MEOX2: variants seen among roughly 807,000 people sequenced by gnomAD.
MEOX2 encodes mesenchyme homeobox 2.
Under a neutral mutation model 27.0 loss-of-function variants are expected in MEOX2, and 11 were observed. That is an observed-to-expected ratio of 0.41 (90% CI 0.26 to 0.68). The LOEUF is 0.68. Among genes scored for constraint, MEOX2 ranks in the 30% least tolerant of loss-of-function variants. The pLI is 0.33. For synonymous variants in MEOX2, 189 were observed against 155.4 expected, an observed-to-expected ratio of 1.22 and a Z score of -1.61; for missense variants, 436 against 385.4, an observed-to-expected ratio of 1.13 and a Z score of -1.10.
chr7:15,676,031 G>C (rs1237237958), intron 1 of MEOX2: 1 of 152,132 alleles, frequency 6.6e-6, no homozygotes, highest in African/African-American at 2.4e-5. Context: ...CACTGTAGAA[G>C]TCTCGCATAT....
chr7:15,644,320 C>T (rs980969629), intron 1 of MEOX2, among the ~76,000 whole-genome samples: 3 of 152,174 alleles, frequency 2.0e-5, no homozygotes, highest in African/African-American at 7.2e-5. Flanking sequence ...ATTCCTGTTC[C>T]TGTAGCTAGG....
intron 2 of MEOX2, among the ~76,000 whole-genome samples, chr7:15,620,431 G>C (rs925092724): frequency 6.6e-6 from 1 of 152,218 alleles, no homozygotes; most frequent in East Asian, 1.9e-4. Context: ...AAACGGGCGT[G>C]GTAGCGGGCT....
At chr7:15,675,592 C>T (rs561776304) in intron 1 of MEOX2, among the ~76,000 whole-genome samples, 1 of 152,254 alleles carries the variant, frequency 6.6e-6, no homozygotes, top group Non-Finnish European at 1.5e-5. Context: ...CATTACTTAA[C>T]TTCTCTGGGC....
chr7:15,685,925 C>T lies in MEOX2; in HGVS notation c.478G>A (p.Glu160Lys). ...TTCCTCTTGCCGCCGCTTCGCTTCTCCGCCTCCGCAGGTGACAGTGCCTGG... is the reference window on the plus strand; with the variant it reads ...TTCCTCTTGCCGCCGCTTCGCTTCTTCGCCTCCGCAGGTGACAGTGCCTGG... Reference protein sequence around the residue: ...GRQALSPAEAEKRSGGKRKSD... With the variant: ...GRQALSPAEAKKRSGGKRKSD... Residue 160 changes from glutamate to lysine, a missense_variant, in exon 1 of 3, where the codon GAG (glutamate) becomes AAG (lysine). Physicochemically the swap from Glu to Lys is moderately conservative, Grantham distance 56. Transcript: ENST00000262041. 6.2e-7 allele frequency: 1 copy of T among 1,610,024 alleles called. No homozygotes were observed.
chr7:15,618,957 G>T (rs866359605), intron 2 of MEOX2, among the ~76,000 whole-genome samples: 4 of 151,966 alleles, frequency 2.6e-5, no homozygotes, highest in South Asian at 2.1e-4. Context: ...GGGATCTGAA[G>T]TTCAAAGTCT....
At chr7:15,644,444 C>T (rs116756218) in intron 1 of MEOX2, among the ~76,000 whole-genome samples, 265 of 152,226 alleles carry the variant, frequency 1.7e-3, no homozygotes, top group African/African-American at 6.1e-3. Flanking sequence ...CACAAGGAAT[C>T]TAAAAGAGCA....
rs1351744848 is a variant in MEOX2, at chr7:15,686,248, C to T, written c.155G>A (p.Gly52Glu). ...STSSSSCIIA[G>E]YPNEEGMFAS... ...AAACATGCCCTCTTCGTTGGGGTAT[C>T]CCGCGATTATGCAAGATGAGGAAGA... Residue 52 changes from glycine (G) to glutamate (E), a missense_variant, in exon 1 of 3, where the codon GGA becomes GAA. Transcript: ENST00000262041. The T allele has an allele frequency of 1.2e-6, 2 of 1,612,778 alleles. No homozygotes were observed. The highest frequency in any genetic ancestry group is 3.3e-5 in the Admixed American group (2 of 59,826).
chr7:15,664,137 G>C (rs1781959801), intron 1 of MEOX2, among the ~76,000 whole-genome samples: 1 of 152,110 alleles, frequency 6.6e-6, no homozygotes, highest in Non-Finnish European at 1.5e-5. Flanking sequence ...ATGTGAAGGA[G>C]ATAGGTTAAG....
At chr7:15,645,811 G>A (rs1262574863) in intron 1 of MEOX2, among the ~76,000 whole-genome samples, 3 of 152,060 alleles carry the variant, frequency 2.0e-5, no homozygotes, top group Non-Finnish European at 2.9e-5. Flanking sequence ...AAATGATCAC[G>A]GAAATATATA....
chr7:15,633,929 A>G (rs1261655026), intron 1 of MEOX2, among the ~76,000 whole-genome samples: 2 of 151,916 alleles, frequency 1.3e-5, no homozygotes, highest in Admixed American at 6.6e-5. Flanking sequence ...TTGTTCTGGC[A>G]TAGAAATTTA....
chr7:15,613,053 G>A (rs1329540200), intron 2 of MEOX2, among the ~76,000 whole-genome samples: 1 of 152,122 alleles, frequency 6.6e-6, no homozygotes, highest in South Asian at 2.1e-4. Context: ...CTGATTAAGC[G>A]GCATCTGAAA....
At chr7:15,665,041 T>TCTCA (rs1554296048) in intron 1 of MEOX2, among the ~76,000 whole-genome samples, 3 of 141,222 alleles carry the variant, frequency 2.1e-5, no homozygotes, top group Non-Finnish European at 3.1e-5. Context: ...TAAGTGGACA[T>TCTCA]CACACACACA....
intron 2 of MEOX2, among the ~76,000 whole-genome samples, chr7:15,622,934 G>A (rs186692336): frequency 2.0e-5 from 3 of 152,170 alleles, no homozygotes; most frequent in Non-Finnish European, 4.4e-5. Flanking sequence ...TCATATCAAG[G>A]TAGAATGGAA....
In MEOX2 at chr7:15,612,022, C is replaced by T. The variant is rs1369044343; in HGVS notation, c.*365G>A. 6 of 250,886 alleles carry T rather than the reference C, an allele frequency of 2.4e-5. No individual in the cohort carries two copies. The highest frequency in any genetic ancestry group is 1.5e-4 in the Admixed American group (3 of 20,570). 15.5% of individuals were successfully genotyped at this position (250,886 alleles called of 1,614,324 possible). On this transcript the variant is annotated 3_prime_UTR_variant, in exon 3 of 3. Transcript: ENST00000262041. ...ACATCTGGAATGTTCAATGCAAGTTCATCCTCGGCATCTTCACTCTGGAGA... is the reference window on the plus strand; with the variant it reads ...ACATCTGGAATGTTCAATGCAAGTTTATCCTCGGCATCTTCACTCTGGAGA...
At chr7:15,621,005 C>A (rs1014194032) in intron 2 of MEOX2, among the ~76,000 whole-genome samples, 28 of 152,118 alleles carry the variant, frequency 1.8e-4, no homozygotes, top group African/African-American at 6.8e-4. Context: ...TCTCGTCTTC[C>A]CACTGTGAGA....
rs1377644484 is a variant in MEOX2 at position 15,686,185 on chromosome 7, T to C, written c.218A>G (p.His73Arg). 6.3e-7 allele frequency: 1 copy of C among 1,594,094 alleles called. No individual in the cohort carries two copies. Among genetic ancestry groups the C allele is most frequent in the South Asian group, 1.1e-5 (1 of 89,020 alleles). ...CTGATGGTGGTGATGGTGGTGGTGG[T>C]GGTGGTGGTGGTGGTGCCCCCTGTG... ...QHHRGHHHHH[H>R]HHHHHHHQQQ... The change falls in exon 1 of 3, where the codon CAC becomes CGC. Residue 73 changes from histidine to arginine, a missense_variant. Coordinates refer to ENST00000262041, the MANE Select transcript of MEOX2 (RefSeq NM_005924.5).
At chr7:15,634,668 C>A (rs1052324595) in intron 1 of MEOX2, among the ~76,000 whole-genome samples, 1 of 151,842 alleles carries the variant, frequency 6.6e-6, no homozygotes, top group South Asian at 2.1e-4. Context: ...TTATACAACT[C>A]TTTTTAGGAA....
intron 1 of MEOX2, chr7:15,680,329 A>G (rs938014966): frequency 5.9e-5 from 9 of 152,098 alleles, no homozygotes; most frequent in African/African-American, 1.4e-4. Flanking sequence ...AAAAAATTCA[A>G]TATTTTTATA....
At chr7:15,679,776 A>C (rs1257222809) in intron 1 of MEOX2, 1 of 152,014 alleles carries the variant, frequency 6.6e-6, no homozygotes, top group Non-Finnish European at 1.5e-5. Context: ...TTCTATTGAT[A>C]AAACAAGGGA....
Sources: allele counts gnomAD v4.1 joint callset (sites outside exome capture counted in the v4.1 genomes callset), GRCh38; gene constraint gnomAD v4.1.1; transcripts MANE v1.5; gene names NCBI Gene and HGNC (gene_info 2026-07-23, HGNC 2026-07-21).